Variants in RGS6 observed in about 807,000 individuals in gnomAD.
RGS6 encodes the protein regulator of G-protein signaling 6.
In RGS6, 30 loss-of-function variants were observed where a neutral mutation model predicts 78.5. That is an observed-to-expected ratio of 0.38 (90% confidence interval 0.29 to 0.52). The LOEUF (loss-of-function observed/expected upper bound fraction) is 0.52. Among genes scored for constraint, RGS6 ranks in the 20% least tolerant of loss-of-function variants. RGS6 has a pLI of 0.85. For synonymous variants in RGS6, 206 were observed against 206.0 expected (o/e 1.00, Z 0.00); for missense variants, 495 against 609.7 (o/e 0.81, Z 1.98).
At chr14:71,898,251 A>G in the RGS6 span, among the ~76,000 whole-genome samples, 4 of 151,600 alleles carry the variant, frequency 2.6e-5, no homozygotes, top group East Asian at 7.7e-4. Context: ...CTGAAATTTA[A>G]TGCCGTTTGA....
chr14:71,946,855 T>C (rs934150891), intron 1 of RGS6, among the ~76,000 whole-genome samples: 2 of 152,214 alleles, frequency 1.3e-5, no homozygotes, highest in African/African-American at 4.8e-5. Context: ...TCCGTGTTGA[T>C]GAACTTAAAA....
chr14:72,507,702 T>G (rs1389451988), intron 13 of RGS6, among the ~76,000 whole-genome samples: 1 of 152,190 alleles, frequency 6.6e-6, no homozygotes, highest in Admixed American at 6.5e-5. Flanking sequence ...GGGGTGACAC[T>G]GGTGGTGGGT....
chr14:72,629,880 G>A, the RGS6 span: 1 of 663,092 alleles, frequency 1.5e-6, no homozygotes, highest in Non-Finnish European at 2.6e-6. Context: ...ACCCAAACAG[G>A]GCCCTACCCA....
chr14:72,032,497 A>G (rs1030415008), intron 2 of RGS6, among the ~76,000 whole-genome samples: 4 of 152,170 alleles, frequency 2.6e-5, no homozygotes, highest in African/African-American at 9.6e-5. Context: ...CATAGTAACC[A>G]TTTTTTAAGT....
At chr14:72,372,608 G>A (rs1362570824) in intron 3 of RGS6, among the ~76,000 whole-genome samples, 2 of 152,200 alleles carry the variant, frequency 1.3e-5, no homozygotes, top group Non-Finnish European at 2.9e-5. Context: ...GTTGGGTGTA[G>A]GGTAGGTTGG....
At chr14:72,027,236 T>C (rs56202480) in intron 2 of RGS6, among the ~76,000 whole-genome samples, 1 of 128,258 alleles carries the variant, frequency 7.8e-6, no homozygotes, top group African/African-American at 2.9e-5. Flanking sequence ...AGAGAGAGAG[T>C]GTGTGTGTGT....
At chr14:72,362,422 T>G (rs1157038018) in intron 3 of RGS6, among the ~76,000 whole-genome samples, 1 of 152,208 alleles carries the variant, frequency 6.6e-6, no homozygotes, top group African/African-American at 2.4e-5. Context: ...ATGATTATGA[T>G]TCCATGAACC....
intron 3 of RGS6, among the ~76,000 whole-genome samples, chr14:72,379,401 G>A (rs1010633004): frequency 2.0e-5 from 3 of 152,082 alleles, no homozygotes; most frequent in Non-Finnish European, 4.4e-5. Flanking sequence ...GTCTCTGTTT[G>A]CAGGCACATG....
At chr14:71,962,135 G>A (rs1308522701) in intron 1 of RGS6, among the ~76,000 whole-genome samples, 1 of 152,150 alleles carries the variant, frequency 6.6e-6, no homozygotes, top group Non-Finnish European at 1.5e-5. Context: ...GTTAATAGAG[G>A]AACCAAAAAT....
At chr14:72,081,890 G>A (rs1030994532) in intron 2 of RGS6, among the ~76,000 whole-genome samples, 2 of 151,850 alleles carry the variant, frequency 1.3e-5, no homozygotes, top group African/African-American at 4.8e-5. Flanking sequence ...AATGTAGAAA[G>A]TACAGAAAAT....
chr14:72,519,671 A>G (rs1180264668), intron 15 of RGS6, among the ~76,000 whole-genome samples: 1 of 152,166 alleles, frequency 6.6e-6, no homozygotes, highest in Non-Finnish European at 1.5e-5. Flanking sequence ...TCCTTCATAT[A>G]CCCCTTGCAG....
intron 1 of RGS6, among the ~76,000 whole-genome samples, chr14:71,937,302 G>A (rs886463606): frequency 2.0e-5 from 3 of 152,176 alleles, no homozygotes; most frequent in Non-Finnish European, 4.4e-5. Context: ...AAGATCTCTA[G>A]GCCAGCAGAA....
chr14:71,941,205 C>T (rs557001896), intron 1 of RGS6, among the ~76,000 whole-genome samples: 9 of 152,192 alleles, frequency 5.9e-5, no homozygotes, highest in Non-Finnish European at 1.2e-4. Flanking sequence ...TGTACAGAGT[C>T]GCTAAACTCC....
At chr14:71,982,176 G>A (rs961216275) in intron 2 of RGS6, among the ~76,000 whole-genome samples, 5 of 152,078 alleles carry the variant, frequency 3.3e-5, no homozygotes, top group East Asian at 1.9e-4. Flanking sequence ...ACTGACCTGC[G>A]CCCAGTGTCT....
At position 72,563,000 on chromosome 14, in the gene RGS6, G is replaced by A. The variant is rs571300705; in HGVS notation, c.*533G>A. 1.2e-5 allele frequency: 7 copies of A among 571,186 alleles called. No homozygotes were observed. The highest frequency in any genetic ancestry group is 7.5e-5 in the African/African-American group (4 of 53,338). 35.4% of individuals were successfully genotyped at this position (571,186 alleles called of 1,614,324 possible). A position where few individuals can be genotyped will look rare whatever the true frequency, so the allele number is the denominator to read the frequency against. On this transcript the variant is annotated 3_prime_UTR_variant, in exon 18 of 18. Coordinates refer to ENST00000553525, the MANE Select transcript of RGS6 (RefSeq NM_001204424.2). ...TCTCTGTGGCCACCCGGGTGTCACTGCCAGCACCAGGCACTGCTTTCACGT... is the reference window on the plus strand; with the variant it reads ...TCTCTGTGGCCACCCGGGTGTCACTACCAGCACCAGGCACTGCTTTCACGT...
At chr14:72,295,017 C>T (rs534662939) in intron 2 of RGS6, among the ~76,000 whole-genome samples, 5 of 152,250 alleles carry the variant, frequency 3.3e-5, no homozygotes, top group African/African-American at 4.8e-5. Flanking sequence ...TCAGGCCGGG[C>T]GCGGTGGCTC....
the RGS6 span, among the ~76,000 whole-genome samples, chr14:71,909,222 C>A: frequency 6.6e-6 from 1 of 152,084 alleles, no homozygotes. Context: ...CTGAGGACGC[C>A]CTACTCTGTA....
At chr14:72,532,140 G>A (rs1253270310) in intron 15 of RGS6, among the ~76,000 whole-genome samples, 1 of 152,186 alleles carries the variant, frequency 6.6e-6, no homozygotes, top group Non-Finnish European at 1.5e-5. Flanking sequence ...AAGTCTATCA[G>A]CACCATTTTT....
At chr14:72,562,305 G>T in intron 17 of RGS6, 112 bp from the exon 18 acceptor site, 1 of 1,024,654 alleles carries the variant, frequency 9.8e-7, no homozygotes, top group Admixed American at 1.8e-5. Flanking sequence ...TGGGTTGGTT[G>T]GTCGTTTGGC....
Sources: gnomAD v4.1 joint callset for allele counts (sites outside exome capture counted in the v4.1 genomes callset) on GRCh38, gnomAD v4.1.1 for gene constraint, MANE v1.5 for transcripts, NCBI Gene and HGNC (gene_info 2026-07-23, HGNC 2026-07-21) for gene names.